Variants in WDR47 observed in about 807,000 individuals in gnomAD.
WDR47 encodes the protein WD repeat domain 47.
WDR47 carries 32 observed loss-of-function variants against 97.2 expected under a neutral mutation model. The ratio of observed to expected loss-of-function variants is 0.33; its 90% CI spans 0.25 to 0.44. The LOEUF (loss-of-function observed/expected upper bound fraction) is 0.44. Ranked by LOEUF, WDR47 falls within the 20% of genes least tolerant of loss-of-function variation. WDR47 has a pLI of 1.00. For synonymous variants in WDR47, 375 were observed against 373.5 expected, an observed-to-expected ratio of 1.00 and a Z score of -0.05; for missense variants, 782 against 1,102.3, an observed-to-expected ratio of 0.71 and a Z score of 4.11.
intron 4 of WDR47, among the ~76,000 whole-genome samples, chr1:109,012,686 G>C (rs1164196735): frequency 6.6e-6 from 1 of 151,696 alleles, no homozygotes; most frequent in Non-Finnish European, 1.5e-5. Context: ...AATTTGTATA[G>C]TGAATATTGT....
At chr1:109,032,952 A>T (rs888391432) in intron 1 of WDR47, among the ~76,000 whole-genome samples, 5 of 152,086 alleles carry the variant, frequency 3.3e-5, no homozygotes, top group Admixed American at 3.3e-4. Flanking sequence ...GCCACAAACA[A>T]TTATGTTAAA....
rs202176222 is a variant in WDR47, at chr1:108,974,525, A to G, written c.2617+11T>C. On this transcript the variant is annotated intron_variant, in intron 14 of 14. Coordinates refer to ENST00000369962, the MANE Select transcript of WDR47 (RefSeq NM_001142551.2). Reference sequence around the variant, plus strand: ...GGAAAGACTAAAAACAGAGAAGTCGATCTCAATCACCTTGTAGGTCTGTCA... The same window carrying G: ...GGAAAGACTAAAAACAGAGAAGTCGGTCTCAATCACCTTGTAGGTCTGTCA... 334 of 1,610,874 alleles carry G rather than the reference A, an allele frequency of 2.1e-4. No individual in the cohort carries two copies. Among genetic ancestry groups the G allele is most frequent in the Non-Finnish European group, 2.6e-4 (312 of 1,177,646 alleles).
In WDR47 at chr1:108,995,395, G is replaced by A. The variant is rs1659669459; in HGVS notation, c.1691+185C>T. On this transcript the variant is annotated intron_variant, in intron 8 of 14. Coordinates refer to ENST00000369962, the MANE Select transcript of WDR47 (RefSeq NM_001142551.2). ...CAAAAAGAAAAATAGAAGGAAAATG[G>A]AAACTATAAAGAGACTTAGAAGTTG... Among the ~76,000 whole-genome samples, 8 of 152,068 alleles carry A rather than the reference G, an allele frequency of 5.3e-5. No homozygotes were observed. In the South Asian group the frequency reaches 1.7e-3, roughly 31 times the overall value.
intron 10 of WDR47, among the ~76,000 whole-genome samples, chr1:108,984,788 G>A (rs1437151734): frequency 6.6e-6 from 1 of 152,152 alleles, no homozygotes; most frequent in Non-Finnish European, 1.5e-5. Context: ...TGAAGCAGGA[G>A]AATCACTTGA....
At chr1:109,028,401 G>A (rs1324498408) in intron 1 of WDR47, among the ~76,000 whole-genome samples, 7 of 125,698 alleles carry the variant, frequency 5.6e-5, no homozygotes, top group Non-Finnish European at 1.1e-4. Context: ...ATTGGGTTTC[G>A]CCATGTTGCC....
chr1:109,032,505 C>CAAAAAAA (rs35413882), intron 1 of WDR47, among the ~76,000 whole-genome samples: 16 of 85,034 alleles, frequency 1.9e-4, no homozygotes, highest in Admixed American at 5.9e-4. Context: ...GAGACTGTCT[C>CAAAAAAA]AAAAAAAAAA....
chr1:109,024,736 G>A (rs1662080560), intron 1 of WDR47: 1 of 152,338 alleles, frequency 6.6e-6, no homozygotes, highest in Non-Finnish European at 1.5e-5. Context: ...CCACACTAGG[G>A]GAGTAGCCAC....
intron 8 of WDR47, chr1:108,992,367 C>T (rs1659417891): frequency 7.4e-7 from 1 of 1,347,126 alleles, no homozygotes. Context: ...TTTAAGAACA[C>T]TCGTGAAACT....
intron 14 of WDR47, 46 bp downstream of exon 14, chr1:108,974,490 A>G: frequency 6.5e-7 from 1 of 1,537,988 alleles, no homozygotes; most frequent in Non-Finnish European, 8.9e-7. Context: ...TAAAGGTCCC[A>G]AATAGAACAG....
chr1:109,024,626 T>C (rs1431306349), intron 1 of WDR47, among the ~76,000 whole-genome samples: 1 of 152,170 alleles, frequency 6.6e-6, no homozygotes, highest in Non-Finnish European at 1.5e-5. Context: ...ATAAGATCAT[T>C]TGTTCAACAT....
Position 108,992,718 on chromosome 1 carries a change from T to C in WDR47, c.1692-1389A>G, listed in dbSNP as rs542786976. Reference sequence around the variant, plus strand: ...CCATACATGAGCTCTCCCTGCCACATTGAGATGATCCTTACGGAAAAGGAA... The same window carrying C: ...CCATACATGAGCTCTCCCTGCCACACTGAGATGATCCTTACGGAAAAGGAA... On this transcript the variant is annotated intron_variant, in intron 8 of 14. Transcript: ENST00000369962. 4.4e-5 allele frequency: 70 copies of C among 1,582,312 alleles called. 1 individual carries two copies. The highest frequency in any genetic ancestry group is 2.3e-4 in the Middle Eastern group (1 of 4,406).
rs1465976338 is a variant in WDR47, at chr1:108,986,645, A to G, written c.1803T>C (p.Asn601=). 6.2e-7 allele frequency: 1 copy of G among 1,612,320 alleles called. No individual in the cohort carries two copies. Among genetic ancestry groups the G allele is most frequent in the African/African-American group, 1.3e-5 (1 of 74,906 alleles). The change falls in exon 10 of 15, where the codon AAT becomes AAC. Residue 601 remains asparagine (N), a synonymous_variant. Coordinates refer to ENST00000369962, the MANE Select transcript of WDR47 (RefSeq NM_001142551.2). ...TAACAGCTTGTGTGTCTTCTAGGAT[A>G]TTAATACAAACAAACTGCTTTTTTG... The part of the protein sequence containing the change: ...DKSKKQFVCI[N]ILEDTQAVRA...
intron 1 of WDR47, among the ~76,000 whole-genome samples, chr1:109,025,430 CAAAAAAA>C (rs34794200): frequency 9.8e-6 from 1 of 101,778 alleles, no homozygotes; most frequent in Non-Finnish European, 1.9e-5. Flanking sequence ...GACTCTGCCT[CAAAAAAA>C]AAAAAAAAAA....
At chr1:109,008,293 T>A (rs749625061) in intron 5 of WDR47, among the ~76,000 whole-genome samples, 2 of 151,916 alleles carry the variant, frequency 1.3e-5, no homozygotes. Context: ...TGGAGTGAGA[T>A]GGAGTCTTAC....
chr1:109,010,545 A>G (rs1488006654), intron 5 of WDR47, among the ~76,000 whole-genome samples: 1 of 151,516 alleles, frequency 6.6e-6, no homozygotes, highest in African/African-American at 2.4e-5. Context: ...ACACACTATA[A>G]TTAGATTATC....
At chr1:109,024,770 A>C (rs1662084241) in intron 1 of WDR47, 1 of 152,346 alleles carries the variant, frequency 6.6e-6, no homozygotes, top group South Asian at 2.1e-4. Flanking sequence ...CAGATGAAAC[A>C]GACTATAAGC....
At chr1:109,035,499 A>G (rs570620348) in intron 1 of WDR47, among the ~76,000 whole-genome samples, 30 of 143,946 alleles carry the variant, frequency 2.1e-4, no homozygotes, top group Non-Finnish European at 4.0e-4. Flanking sequence ...CAATTTTTAA[A>G]TTTTTTTTTT....
intron 1 of WDR47, among the ~76,000 whole-genome samples, chr1:109,038,976 C>T (rs545485438): frequency 6.6e-6 from 1 of 151,328 alleles, no homozygotes; most frequent in Non-Finnish European, 1.5e-5. Flanking sequence ...GAGACCCCAT[C>T]TCAAATAATA....
chr1:109,036,710 C>T (rs1227139325), intron 1 of WDR47, among the ~76,000 whole-genome samples: 2 of 151,580 alleles, frequency 1.3e-5, no homozygotes, highest in African/African-American at 2.4e-5. Flanking sequence ...GTGGCAGGCG[C>T]CTGTAGTCCC....
Sources: allele counts gnomAD v4.1 joint callset (sites outside exome capture counted in the v4.1 genomes callset), GRCh38; gene constraint gnomAD v4.1.1; transcripts MANE v1.5; gene names NCBI Gene and HGNC (gene_info 2026-07-23, HGNC 2026-07-21).